The following LAMA3 variants were observed in gnomAD, a reference collection of about 807,000 sequenced individuals.
LAMA3 encodes laminin subunit alpha-3.
Under a neutral mutation model 402.0 loss-of-function variants are expected in LAMA3, and 281 were observed. The ratio of observed to expected loss-of-function variants is 0.70; its 90% CI spans 0.63 to 0.77. The LOEUF (loss-of-function observed/expected upper bound fraction) is 0.77, where lower values mean the gene tolerates loss of function less well. Among genes scored for constraint, LAMA3 ranks in the 30% least tolerant of loss-of-function variants. The pLI, the probability that LAMA3 is intolerant of heterozygous loss-of-function variation, is 0.00. For synonymous variants in LAMA3, 1,431 were observed against 1,558.4 expected (o/e 0.92, Z 1.93); for missense variants, 3,840 against 4,215.5 (o/e 0.91, Z 2.47).
In LAMA3 at chr18:23,907,892, G is replaced by A. The variant is rs749326355; in HGVS notation, c.6972G>A (p.Gln2324=). The change falls in exon 54 of 75, where the codon CAG becomes CAA. Residue 2324 remains glutamine, a synonymous_variant. Coordinates refer to ENST00000313654, the MANE Select transcript of LAMA3 (RefSeq NM_198129.4). ...ERIKDTYGRT[Q]NEDFKKALTD... Reference sequence around the variant, plus strand: ...TTAAGGACACCTATGGGAGGACACAGAACGAAGACTTCAAAAAGGCTCTGA... The same window carrying A: ...TTAAGGACACCTATGGGAGGACACAAAACGAAGACTTCAAAAAGGCTCTGA... 8 of 1,613,954 alleles carry A rather than the reference G, an allele frequency of 5.0e-6. No individual in the cohort carries two copies. The highest frequency in any genetic ancestry group is 1.1e-5 in the South Asian group (1 of 91,058).
chr18:23,873,890 G>A (rs1172945586), intron 38 of LAMA3, among the ~76,000 whole-genome samples: 1 of 152,162 alleles, frequency 6.6e-6, no homozygotes, highest in African/African-American at 2.4e-5. Context: ...TATTGAAATA[G>A]TGCATTAGAA....
At chr18:23,891,831 G>A (rs998399854) in intron 42 of LAMA3, among the ~76,000 whole-genome samples, 7 of 152,144 alleles carry the variant, frequency 4.6e-5, no homozygotes, top group Non-Finnish European at 7.3e-5. Flanking sequence ...GTCTAAAGCC[G>A]GGGTCCATGG....
At chr18:23,700,390 A>G (rs1239563161) in intron 1 of LAMA3, among the ~76,000 whole-genome samples, 1 of 152,174 alleles carries the variant, frequency 6.6e-6, no homozygotes, top group Non-Finnish European at 1.5e-5. Flanking sequence ...AAACCGTTGA[A>G]AAATTGGGCT....
At chr18:23,701,843 C>T (rs141804351) in intron 1 of LAMA3, among the ~76,000 whole-genome samples, 43 of 152,270 alleles carry the variant, frequency 2.8e-4, no homozygotes, top group African/African-American at 9.4e-4. Flanking sequence ...GGAGAGCGAA[C>T]AGCATGTGCA....
chr18:23,940,390 T>C (rs1414310650), intron 68 of LAMA3, among the ~76,000 whole-genome samples: 1 of 152,224 alleles, frequency 6.6e-6, no homozygotes, highest in Non-Finnish European at 1.5e-5. Flanking sequence ...CGAGTGTCAC[T>C]GAAGACCTAG....
chr18:23,834,242 A>G (rs2063540608), intron 24 of LAMA3: 1 of 478,462 alleles, frequency 2.1e-6, no homozygotes, highest in Non-Finnish European at 3.8e-6. Context: ...TCAGATTCAC[A>G]TGGCACAGCA....
At chr18:23,944,670 G>C (rs1333207111) in intron 69 of LAMA3, among the ~76,000 whole-genome samples, 1 of 152,146 alleles carries the variant, frequency 6.6e-6, no homozygotes, top group Non-Finnish European at 1.5e-5. Flanking sequence ...TCCAGGAAGA[G>C]GGAAGAGCAA....
chr18:23,770,457 A>ATT (rs554681414), intron 8 of LAMA3, among the ~76,000 whole-genome samples: 184 of 152,200 alleles, frequency 1.2e-3, no homozygotes, highest in African/African-American at 4.3e-3. Context: ...TGGCCAATAA[A>ATT]TGTACATCAA....
chr18:23,936,486 C>T (rs2082318865), intron 67 of LAMA3, among the ~76,000 whole-genome samples: 2 of 149,738 alleles, frequency 1.3e-5, no homozygotes, highest in Non-Finnish European at 3.0e-5. Context: ...GTGCTCTTCT[C>T]CCAGGCACTC....
chr18:23,869,085 A>G (rs900152902), intron 37 of LAMA3, among the ~76,000 whole-genome samples: 3 of 152,228 alleles, frequency 2.0e-5, no homozygotes, highest in African/African-American at 7.2e-5. Flanking sequence ...CAGTAAAATG[A>G]TAGAGAATCT....
At chr18:23,711,798 TTAA>T (rs2060995001) in intron 1 of LAMA3, among the ~76,000 whole-genome samples, 1 of 152,222 alleles carries the variant, frequency 6.6e-6, no homozygotes, top group Non-Finnish European at 1.5e-5. Context: ...AATCTTCATC[TTAA>T]TTATTATTAT....
At chr18:23,943,296 G>A (rs913677589) in intron 68 of LAMA3, among the ~76,000 whole-genome samples, 1 of 152,154 alleles carries the variant, frequency 6.6e-6, no homozygotes, top group East Asian at 1.9e-4. Context: ...TGTGGGAAGC[G>A]AGACTAGGGA....
chr18:23,753,841 C>T lies in LAMA3; in HGVS notation c.947+29C>T, dbSNP rs759643691. ...AGTACACTGTACAGATTTTTTTCAG[C>T]CTTACTATGATTAAGTCTAATTATT... On this transcript the variant is annotated intron_variant, in intron 6 of 74. Transcript: ENST00000313654. 18 of 1,442,576 alleles carry T rather than the reference C, an allele frequency of 1.2e-5. No homozygotes were observed. The Admixed American group carries it at 2.7e-4, about 22-fold the overall frequency. The allele number at this position is 1,442,576 out of a possible 1,614,324, so 89.4% of individuals were successfully genotyped here.
At chr18:23,851,903 A>G (rs1372384267) in intron 32 of LAMA3, among the ~76,000 whole-genome samples, 4 of 152,002 alleles carry the variant, frequency 2.6e-5, no homozygotes, top group South Asian at 2.1e-4. Context: ...TACTGATCCT[A>G]TCTCTGAAAC....
At chr18:23,847,019 G>A (rs2063831061) in intron 31 of LAMA3, among the ~76,000 whole-genome samples, 1 of 152,252 alleles carries the variant, frequency 6.6e-6, no homozygotes, top group African/African-American at 2.4e-5. Context: ...ACTGCAGTGA[G>A]AAATGCAGTG....
intron 1 of LAMA3, among the ~76,000 whole-genome samples, chr18:23,695,892 A>T (rs1054851712): frequency 2.8e-5 from 4 of 144,146 alleles, no homozygotes; most frequent in Non-Finnish European, 4.5e-5. Context: ...CTTACCCCTG[A>T]TCCTTGCTTA....
intron 34 of LAMA3, among the ~76,000 whole-genome samples, chr18:23,860,059 C>T (rs116517374): frequency 3.2e-3 from 490 of 152,296 alleles, no homozygotes; most frequent in African/African-American, 0.011. Context: ...ATGCTCCTAT[C>T]ACCCCTATCA....
intron 37 of LAMA3, among the ~76,000 whole-genome samples, chr18:23,870,264 C>T (rs772693589): frequency 6.6e-6 from 1 of 152,080 alleles, no homozygotes; most frequent in South Asian, 2.1e-4. Flanking sequence ...GATCACACCA[C>T]TGCACTCCAG....
At chr18:23,711,364 C>T (rs1344351091) in intron 1 of LAMA3, among the ~76,000 whole-genome samples, 2 of 152,108 alleles carry the variant, frequency 1.3e-5, no homozygotes, top group Non-Finnish European at 2.9e-5. Context: ...CAAGGGCTAA[C>T]GTGAGTGCTA....
Sources: gnomAD v4.1 joint callset for allele counts (sites outside exome capture counted in the v4.1 genomes callset) on GRCh38, gnomAD v4.1.1 for gene constraint, MANE v1.5 for transcripts, NCBI Gene and HGNC (gene_info 2026-07-23, HGNC 2026-07-21) for gene names.